DNAJB13: variants seen among roughly 807,000 people sequenced by gnomAD.
DNAJB13 encodes DnaJ heat shock protein family (Hsp40) member B13.
A neutral mutation model predicts 35.6 loss-of-function variants in DNAJB13; 22 were observed. That is an observed-to-expected ratio of 0.62 (90% CI 0.44 to 0.88). The LOEUF is 0.88. Ranked by LOEUF, DNAJB13 falls within the 40% of genes least tolerant of loss-of-function variation. DNAJB13 has a pLI of 0.00. For synonymous variants in DNAJB13, 136 were observed against 144.2 expected (o/e 0.94, Z 0.41); for missense variants, 370 against 384.3 (o/e 0.96, Z 0.31).
At chr11:73,963,300 G>A (rs1950983593) in intron 3 of DNAJB13, among the ~76,000 whole-genome samples, 1 of 151,470 alleles carries the variant, frequency 6.6e-6, no homozygotes, top group South Asian at 2.1e-4. Flanking sequence ...AGCCGAGATT[G>A]CGCCATTGCA....
At chr11:73,961,825 T>C (rs986190932) in intron 3 of DNAJB13, among the ~76,000 whole-genome samples, 1 of 152,242 alleles carries the variant, frequency 6.6e-6, no homozygotes. Flanking sequence ...AGTCTTGCTC[T>C]GTTGCCCAGG....
intron 3 of DNAJB13, chr11:73,964,054 A>T (rs1024120886): frequency 6.6e-6 from 1 of 152,200 alleles, no homozygotes; most frequent in East Asian, 1.9e-4. Context: ...GACGCATAGT[A>T]AGCTCTCAGC....
chr11:73,964,812 T>TGTGTGCGC (rs1491290663), intron 3 of DNAJB13, 66 bp from the exon 4 acceptor site: 13 of 698,270 alleles, frequency 1.9e-5, no homozygotes, highest in South Asian at 6.8e-5. Context: ...TGTGTGTGTG[T>TGTGTGCGC]GCGCGCGCGC....
chr11:73,969,864 C>T (rs1047709505), intron 7 of DNAJB13, 97 bp from the exon 8 acceptor site: 29 of 1,457,876 alleles, frequency 2.0e-5, no homozygotes, highest in Non-Finnish European at 1.6e-5. Context: ...TGACTGTCCC[C>T]TTCCTGGGGT....
chr11:73,966,845 A>ATTT lies in DNAJB13; in HGVS notation c.606+617_606+619dup, dbSNP rs770257573. Reference sequence around the variant, plus strand: ...AGGCATGTGCCACCACGCCCAGCTAATTTTTTTTTTTTTTTTTTTTTTTTT... The same window carrying ATTT: ...AGGCATGTGCCACCACGCCCAGCTAATTTTTTTTTTTTTTTTTTTTTTTTTTTT... On this transcript the variant is annotated intron_variant, in intron 5 of 7. Coordinates refer to ENST00000339764, the MANE Select transcript of DNAJB13 (RefSeq NM_153614.4). 1.1e-3 allele frequency among the ~76,000 whole-genome samples: 104 copies of ATTT among 98,218 alleles called. 1 individual carries two copies. The highest frequency in any genetic ancestry group is 2.2e-3 in the African/African-American group (46 of 21,140). 64.4% of individuals were successfully genotyped at this position (98,218 alleles called of 152,430 possible).
chr11:73,959,361 G>T (rs753594139), intron 2 of DNAJB13, 133 bp from the exon 3 acceptor site: 38 of 997,256 alleles, frequency 3.8e-5, no homozygotes, highest in African/African-American at 6.6e-5. Flanking sequence ...TCCAAAGACT[G>T]CCAGACAGCA....
Position 73,959,501 on chromosome 11 carries a change from G to T in DNAJB13, c.180G>T (p.Lys60Asn), listed in dbSNP as rs999344777. The T allele has an allele frequency of 9.9e-6, 16 of 1,613,416 alleles. No homozygotes were observed. Among genetic ancestry groups the T allele is most frequent in the African/African-American group, 2.7e-5 (2 of 74,914 alleles). Residue 60 changes from lysine to asparagine, a missense_variant, in exon 3 of 8, where the codon AAG becomes AAT. Physicochemically the swap from Lys to Asn is moderately conservative, Grantham distance 94. Coordinates refer to ENST00000339764, the MANE Select transcript of DNAJB13 (RefSeq NM_153614.4). ...EAYDVLSDPM[K>N]RGIYDKFGEE... is the part of the protein sequence containing the mutation. ...GGTGATGCCCATCCACAGCCATGAA[G>T]AGAGGCATCTACGACAAGTTTGGAG...
intron 6 of DNAJB13, among the ~76,000 whole-genome samples, 169 bp downstream of exon 6, chr11:73,968,627 G>A (rs1026626147): frequency 6.6e-6 from 1 of 152,090 alleles, no homozygotes; most frequent in Non-Finnish European, 1.5e-5. Context: ...CATCTGCACC[G>A]CCTGGATCTG....
chr11:73,958,134 C>T (rs1010124706), intron 1 of DNAJB13, among the ~76,000 whole-genome samples, 183 bp from the exon 2 acceptor site: 21 of 152,238 alleles, frequency 1.4e-4, no homozygotes, highest in African/African-American at 5.1e-4. Flanking sequence ...TGTCGGTCAA[C>T]TGTGCTCCCC....
rs1951061757 is a variant in DNAJB13 at position 73,964,896 on chromosome 11, G to A, written c.353G>A (p.Gly118Glu). The stretch of plus-strand genomic sequence containing the variant: ...CCTGCAGAGTTTTTTGATGCAGAAG[G>A]AAGTGAGGTAGATTTGAACTTTGGG... ...NPFSEFFDAE[G>E]SEVDLNFGGL... The change falls in exon 4 of 8, where the codon GGA (glycine) becomes GAA (glutamate). Residue 118 changes from glycine (G) to glutamate (E), a missense_variant. Gly to Glu is a moderately conservative substitution (Grantham distance 98). Transcript: ENST00000339764. The A allele has an allele frequency of 6.2e-7, 1 of 1,612,962 alleles. No homozygotes were observed. Among genetic ancestry groups the A allele is most frequent in the Non-Finnish European group, 8.5e-7 (1 of 1,179,706 alleles).
Position 73,966,223 on chromosome 11 carries a change from G to C in DNAJB13, c.578G>C (p.Arg193Pro), listed in dbSNP as rs376516482. 1.2e-6 allele frequency: 2 copies of C among 1,613,380 alleles called. No individual in the cohort carries two copies. The highest frequency in any genetic ancestry group is 8.5e-7 in the Non-Finnish European group (1 of 1,179,864). ...DVKPGWRQGTRITFEKEGDQG... is the reference protein window; with the variant it reads ...DVKPGWRQGTPITFEKEGDQG... ...AAGCCCGGTTGGAGGCAGGGCACACGCATCACCTTTGAGAAGGAAGGGGAC... is the reference window on the plus strand; with the variant it reads ...AAGCCCGGTTGGAGGCAGGGCACACCCATCACCTTTGAGAAGGAAGGGGAC... The change falls in exon 5 of 8, where the codon CGC becomes CCC. Residue 193 changes from arginine (R) to proline (P), a missense_variant. Arg to Pro is a moderately radical substitution (Grantham distance 103). Coordinates refer to ENST00000339764, the MANE Select transcript of DNAJB13 (RefSeq NM_153614.4).
chr11:73,969,432 A>G, intron 7 of DNAJB13, 110 bp downstream of exon 7: 1 of 715,760 alleles, frequency 1.4e-6, no homozygotes, highest in East Asian at 2.6e-5. Context: ...CCCCCAGCAG[A>G]AGGGTTCCCT....
chr11:73,965,204 G>T, intron 4 of DNAJB13, 169 bp downstream of exon 4: 1 of 726,582 alleles, frequency 1.4e-6, no homozygotes, highest in Admixed American at 3.4e-5. Flanking sequence ...ATTCGGAAGG[G>T]ACAGTTGAAG....
In DNAJB13 at chr11:73,959,490, A is replaced by G. The variant is rs755920594; in HGVS notation, c.173-4A>G. The stretch of plus-strand genomic sequence containing the variant: ...CACCTCCTTAAGGTGATGCCCATCC[A>G]CAGCCATGAAGAGAGGCATCTACGA... On this transcript the variant is annotated splice_polypyrimidine_tract_variant and splice_region_variant and intron_variant, in intron 2 of 7. Transcript: ENST00000339764. 20 of 1,611,992 alleles carry G rather than the reference A, an allele frequency of 1.2e-5. No homozygotes were observed. The highest frequency in any genetic ancestry group is 1.4e-5 in the Non-Finnish European group (17 of 1,178,806).
chr11:73,968,628 C>T (rs888084808), intron 6 of DNAJB13, among the ~76,000 whole-genome samples, 170 bp downstream of exon 6: 2 of 152,182 alleles, frequency 1.3e-5, no homozygotes, highest in Admixed American at 1.3e-4. Context: ...ATCTGCACCG[C>T]CTGGATCTGT....
At chr11:73,955,686 G>A (rs1383027904) in intron 1 of DNAJB13, among the ~76,000 whole-genome samples, 1 of 152,160 alleles carries the variant, frequency 6.6e-6, no homozygotes, top group Admixed American at 6.5e-5. Flanking sequence ...AATTAGCCAG[G>A]TGTGGTGGTG....
Position 73,964,942 on chromosome 11 carries a change from CAAG to C in DNAJB13, c.403_405del (p.Lys135del), listed in dbSNP as rs1339907213. The C allele has an allele frequency of 4.3e-6, 7 of 1,613,228 alleles. No individual in the cohort carries two copies. The African/African-American group carries it at 5.3e-5, about 12-fold the overall frequency. Reference sequence around the variant, plus strand: ...TTGGGGGGCTCCAGGGCCGAGGGGTCAAGAAGCAGGACCCCCAAGTCGAACGGG... The same window carrying C: ...TTGGGGGGCTCCAGGGCCGAGGGGTCAAGCAGGACCCCCAAGTCGAACGGG... On this transcript the variant is annotated inframe_deletion, in exon 4 of 8. Coordinates refer to ENST00000339764, the MANE Select transcript of DNAJB13 (RefSeq NM_153614.4).
chr11:73,970,047 A>T lies in DNAJB13; in HGVS notation c.884A>T (p.Asp295Val). The change falls in exon 8 of 8, where the codon GAC (aspartate) becomes GTC (valine). Residue 295 changes from aspartate to valine, a missense_variant. Asp to Val is a radical substitution (Grantham distance 152). Coordinates refer to ENST00000339764, the MANE Select transcript of DNAJB13 (RefSeq NM_153614.4). ...AAAGGGGATCTCTTCATCTTCTTCG[A>T]CATCCAGTTCCCCACCCGCCTCACA... ...TKKGDLFIFF[D>V]IQFPTRLTPQ... 6.2e-7 allele frequency: 1 copy of T among 1,611,052 alleles called. No individual in the cohort carries two copies. The highest frequency in any genetic ancestry group is 8.5e-7 in the Non-Finnish European group (1 of 1,178,526).
At chr11:73,955,470 G>A (rs1034767276) in intron 1 of DNAJB13, among the ~76,000 whole-genome samples, 3 of 151,866 alleles carry the variant, frequency 2.0e-5, no homozygotes, top group African/African-American at 7.2e-5. Flanking sequence ...CACTGTGCCC[G>A]GCTAATTTTT....
Sources: gnomAD v4.1 joint callset for allele counts (sites outside exome capture counted in the v4.1 genomes callset) on GRCh38, gnomAD v4.1.1 for gene constraint, MANE v1.5 for transcripts, NCBI Gene and HGNC (gene_info 2026-07-23, HGNC 2026-07-21) for gene names.